DCDC2B: variants seen among roughly 807,000 people sequenced by gnomAD.
DCDC2B encodes the protein doublecortin domain containing 2B, also known as doublecortin domain-containing protein 2B.
A neutral mutation model predicts 38.9 loss-of-function variants in DCDC2B; 41 were observed. The ratio of observed to expected loss-of-function variants is 1.05; its 90% CI spans 0.82 to 1.37. The LOEUF is 1.37. DCDC2B is among the 40% of genes most tolerant of loss of function. DCDC2B has a pLI of 0.00. For missense variants in DCDC2B, 453 were observed against 427.2 expected (o/e 1.06, Z -0.53); for synonymous variants, 181 against 171.9 (o/e 1.05, Z -0.41).
At position 32,215,864 on chromosome 1, in the gene DCDC2B, T is replaced by C; in HGVS notation, c.1017T>C (p.Ala339=). 1 of 1,551,478 alleles carries C rather than the reference T, an allele frequency of 6.4e-7. No individual in the cohort carries two copies. The highest frequency in any genetic ancestry group is 8.7e-7 in the Non-Finnish European group (1 of 1,147,292). ...AAAACCAGCCTGGGGCTGGGGCTGCTATCTCAGCCTCAGCCCCAGCTCTGC... is the reference window on the plus strand; with the variant it reads ...AAAACCAGCCTGGGGCTGGGGCTGCCATCTCAGCCTCAGCCCCAGCTCTGC... The part of the protein sequence containing the change: ...SLENQPGAGA[A]ISASAPALPS Residue 339 remains alanine, a synonymous_variant, in exon 9 of 9, where the codon GCT becomes GCC. Transcript: ENST00000409358.
intron 1 of DCDC2B, among the ~76,000 whole-genome samples, chr1:32,209,601 C>A (rs1643498195): frequency 2.0e-5 from 3 of 152,182 alleles, no homozygotes; most frequent in Admixed American, 1.3e-4. Flanking sequence ...ATGCCCATCA[C>A]AGCCAAGATC....
At position 32,216,187 on chromosome 1, in the gene DCDC2B, T is replaced by TA; in HGVS notation, c.*291dup. On this transcript the variant is annotated 3_prime_UTR_variant, in exon 9 of 9. Transcript: ENST00000409358. ...GGGTTTGTCACAATAAAAGAATACT[T>TA]ACTAACCTCTTGTCTGTTTACCATA... 1 of 835,128 alleles carries TA rather than the reference T, an allele frequency of 1.2e-6. No homozygotes were observed. Among genetic ancestry groups the TA allele is most frequent in the Non-Finnish European group, 1.8e-6 (1 of 551,002 alleles). The allele number at this position is 835,128 out of a possible 1,614,324, so 51.7% of individuals were successfully genotyped here.
chr1:32,214,312 C>CAAAAAA (rs58837364), intron 6 of DCDC2B, among the ~76,000 whole-genome samples: 1 of 51,950 alleles, frequency 1.9e-5, no homozygotes, highest in Non-Finnish European at 5.0e-5. Context: ...ACTCAAGTCT[C>CAAAAAA]AAAAAAAAAA....
chr1:32,210,314 G>A (rs544632484), intron 1 of DCDC2B, among the ~76,000 whole-genome samples: 4 of 133,460 alleles, frequency 3.0e-5, no homozygotes, highest in Non-Finnish European at 6.3e-5. Context: ...CAATAAGAGT[G>A]AAACTCCATC....
At chr1:32,211,369 C>A in intron 2 of DCDC2B, 46 bp downstream of exon 2, 2 of 1,601,146 alleles carry the variant, frequency 1.2e-6, no homozygotes, top group South Asian at 1.1e-5. Context: ...TCTTCCCACT[C>A]CTCCTGGAAC....
chr1:32,213,256 T>C (rs1643661795), intron 6 of DCDC2B, among the ~76,000 whole-genome samples: 1 of 152,026 alleles, frequency 6.6e-6, no homozygotes, highest in Non-Finnish European at 1.5e-5. Context: ...GGTCTTGAAC[T>C]CCTGGGCTCA....
In DCDC2B at chr1:32,212,641, G is replaced by T. The variant is rs769009710; in HGVS notation, c.674+5G>T. 2 of 1,613,738 alleles carry T rather than the reference G, an allele frequency of 1.2e-6. No homozygotes were observed. The highest frequency in any genetic ancestry group is 2.7e-5 in the African/African-American group (2 of 74,896). On this transcript the variant is annotated splice_donor_5th_base_variant and intron_variant, in intron 5 of 8. Coordinates refer to ENST00000409358, the MANE Select transcript of DCDC2B (RefSeq NM_001099434.2). ...CTCCCTGCCCAGGGGCTGCTGGTAT[G>T]TATGTGGGAGGTGGAGCGGTAACAG...
intron 6 of DCDC2B, among the ~76,000 whole-genome samples, chr1:32,213,844 C>G (rs1643685537): frequency 6.6e-6 from 1 of 151,488 alleles, no homozygotes; most frequent in Admixed American, 6.6e-5. Flanking sequence ...TTAGTAGAGA[C>G]AGGGTTTCTC....
In DCDC2B at chr1:32,209,369, C is replaced by T; in HGVS notation, c.266+10C>T. 6.2e-7 allele frequency: 1 copy of T among 1,612,682 alleles called. No homozygotes were observed. Among genetic ancestry groups the T allele is most frequent in the East Asian group, 2.2e-5 (1 of 44,836 alleles). On this transcript the variant is annotated intron_variant, in intron 1 of 8. Transcript: ENST00000409358. ...GATTCCACAAGCTCCAGTGAGTGGG[C>T]TGGGGCTGGTCAAACAGCCTAGCAA... is the stretch of plus-strand genomic sequence containing the variant.
intron 2 of DCDC2B, 23 bp from the exon 3 acceptor site, chr1:32,211,738 T>C: frequency 6.3e-7 from 1 of 1,590,296 alleles, no homozygotes; most frequent in Non-Finnish European, 8.6e-7. Flanking sequence ...TCTCCTGATT[T>C]GGAGGCCTGA....
At chr1:32,211,453 C>A in intron 2 of DCDC2B, 130 bp downstream of exon 2, 1 of 916,786 alleles carries the variant, frequency 1.1e-6, no homozygotes, top group Non-Finnish European at 1.7e-6. Context: ...TTGGAGCCAG[C>A]TACTATCTTT....
intron 1 of DCDC2B, among the ~76,000 whole-genome samples, chr1:32,210,881 A>AT (rs369418358): frequency 1.3e-4 from 19 of 151,418 alleles, no homozygotes; most frequent in Non-Finnish European, 2.2e-4. Context: ...TGCCTGGCTA[A>AT]TTTTTTTGTT....
Position 32,214,741 on chromosome 1 carries a change from T to C in DCDC2B, c.715-56T>C, listed in dbSNP as rs1157755608. On this transcript the variant is annotated intron_variant, in intron 6 of 8. Coordinates refer to ENST00000409358, the MANE Select transcript of DCDC2B (RefSeq NM_001099434.2). ...GCTCTCTGAAGCCTGAACTGGGGAG[T>C]AGGAAAGGTAAGAATGGCCAGCAAT... The C allele has an allele frequency of 9.3e-6, 15 of 1,604,744 alleles. No individual in the cohort carries two copies. In the Admixed American group the frequency reaches 1.2e-4, roughly 13 times the overall value.
chr1:32,210,262 G>T (rs746730598), intron 1 of DCDC2B, among the ~76,000 whole-genome samples: 2 of 151,004 alleles, frequency 1.3e-5, no homozygotes, highest in Non-Finnish European at 2.9e-5. Context: ...GGAGGCAGAG[G>T]TTGCAGTGAG....
chr1:32,209,326 T>C lies in DCDC2B; in HGVS notation c.233T>C (p.Val78Ala), dbSNP rs144804850. ...LADLKNRGQY[V>A]AAGFERFHKL... ...GACTTGAAGAACAGAGGGCAGTATG[T>C]GGCCGCTGGATTTGAACGATTCCAC... The change falls in exon 1 of 9, where the codon GTG becomes GCG. Residue 78 changes from valine (V) to alanine (A), a missense_variant. Transcript: ENST00000409358. The C allele has an allele frequency of 7.7e-3, 12,389 of 1,613,972 alleles. 63 individuals are homozygous for C. The highest frequency in any genetic ancestry group is 8.7e-3 in the Non-Finnish European group (10,321 of 1,179,866).
intron 1 of DCDC2B, 57 bp downstream of exon 1, chr1:32,209,416 G>C (rs1643489580): frequency 1.3e-6 from 2 of 1,591,430 alleles, no homozygotes; most frequent in African/African-American, 2.7e-5. Flanking sequence ...GCAAGAGCGT[G>C]TATTCAGTAC....
Position 32,215,989 on chromosome 1 carries a change from C to A in DCDC2B, c.*92C>A. ...CAGCTTGTTCCTCAGGAGCCAGCAC[C>A]TCCGCTGGGCTCACAGGGTACACTG... On this transcript the variant is annotated 3_prime_UTR_variant, in exon 9 of 9. Coordinates refer to ENST00000409358, the MANE Select transcript of DCDC2B (RefSeq NM_001099434.2). 1 of 1,071,200 alleles carries A rather than the reference C, an allele frequency of 9.3e-7. No homozygotes were observed. The highest frequency in any genetic ancestry group is 1.4e-6 in the Non-Finnish European group (1 of 718,724). The allele number at this position is 1,071,200 out of a possible 1,614,324, so 66.4% of individuals were successfully genotyped here.
At chr1:32,209,477 G>A (rs1044909295) in intron 1 of DCDC2B, 118 bp downstream of exon 1, 21 of 1,447,538 alleles carry the variant, frequency 1.5e-5, no homozygotes, top group Middle Eastern at 1.8e-4. Flanking sequence ...CTCTATGTAG[G>A]GGGGGTGGTT....
chr1:32,211,189 C>T (rs909977143), intron 1 of DCDC2B, 83 bp from the exon 2 acceptor site: 41 of 1,269,596 alleles, frequency 3.2e-5, no homozygotes, highest in African/African-American at 7.3e-5. Context: ...TGGTGAGCTG[C>T]GCCCCAACCC....
Sources: allele counts gnomAD v4.1 joint callset (sites outside exome capture counted in the v4.1 genomes callset), GRCh38; gene constraint gnomAD v4.1.1; transcripts MANE v1.5; gene names NCBI Gene and HGNC (gene_info 2026-07-23, HGNC 2026-07-21).